SLC47A2: variants seen among roughly 807,000 people sequenced by gnomAD.
SLC47A2 encodes multidrug and toxin extrusion protein 2.
A neutral mutation model predicts 67.7 loss-of-function variants in SLC47A2; 52 were observed. That is an observed-to-expected ratio of 0.77 (90% CI 0.61 to 0.97). The LOEUF (loss-of-function observed/expected upper bound fraction) is 0.97. SLC47A2 is among the 50% of genes least tolerant of loss of function. SLC47A2 has a pLI of 0.00. For synonymous variants in SLC47A2, 278 were observed against 292.9 expected, an observed-to-expected ratio of 0.95 and a Z score of 0.52; for missense variants, 676 against 712.3, an observed-to-expected ratio of 0.95 and a Z score of 0.58.
At chr17:19,714,630 C>G in intron 3 of SLC47A2, 91 bp downstream of exon 3, 1 of 1,482,346 alleles carries the variant, frequency 6.7e-7, no homozygotes, top group Non-Finnish European at 9.4e-7. Context: ...GATCACCTGG[C>G]TGCGCCCCTC....
At chr17:19,714,059 CCAGCGGTGTGTG>C in intron 3 of SLC47A2, 86 bp from the exon 4 acceptor site, 1 of 1,514,476 alleles carries the variant, frequency 6.6e-7, no homozygotes, top group Non-Finnish European at 8.9e-7. Flanking sequence ...GTCAGCGGCG[CCAGCGGTGTGTG>C]GCGGACCCGG....
chr17:19,693,635 T>TAATAATAAA (rs754201695), intron 13 of SLC47A2, among the ~76,000 whole-genome samples: 3 of 138,448 alleles, frequency 2.2e-5, no homozygotes, highest in South Asian at 2.4e-4. Context: ...ATAATAATAA[T>TAATAATAAA]AAATAAATAA....
chr17:19,707,692 G>A, intron 8 of SLC47A2, 54 bp downstream of exon 8: 1 of 1,492,818 alleles, frequency 6.7e-7, no homozygotes, highest in South Asian at 1.2e-5. Context: ...CCCAAGGCTA[G>A]GGCAGCACCA....
chr17:19,702,802 G>T, intron 12 of SLC47A2, 128 bp from the exon 13 acceptor site: 2 of 1,080,040 alleles, frequency 1.9e-6, no homozygotes, highest in Non-Finnish European at 2.7e-6. Flanking sequence ...CCACACAAAT[G>T]TAACTGGCAC....
At position 19,705,470 on chromosome 17, in the gene SLC47A2, G is replaced by A; in HGVS notation, c.875C>T (p.Ala292Val). 6.2e-7 allele frequency: 1 copy of A among 1,612,006 alleles called. No homozygotes were observed. The change falls in exon 10 of 17, where the codon GCT becomes GTT. Residue 292 changes from alanine to valine, a missense_variant. Ala to Val is a moderately conservative substitution (Grantham distance 64). Coordinates refer to ENST00000433844, the MANE Select transcript of SLC47A2 (RefSeq NM_001099646.3). ...CACAGTGGCCACCTCGTAGATGACA[G>A]CCTGGGCAGAGAGATCCACCACACT... ...LLSVVDLSAQ[A>V]VIYEVATVTY...
chr17:19,689,696 CAAAAAAAA>C (rs377081377), intron 13 of SLC47A2, among the ~76,000 whole-genome samples: 1 of 81,678 alleles, frequency 1.2e-5, no homozygotes, highest in Non-Finnish European at 2.6e-5. Context: ...GACCTTGTCT[CAAAAAAAA>C]AAAAAAAGAA....
chr17:19,692,227 CAAA>C (rs11313767), intron 13 of SLC47A2: 1,679 of 360,842 alleles, frequency 4.7e-3, no homozygotes, highest in East Asian at 9.8e-3. Context: ...GACTCCATGT[CAAA>C]AAAAAAAAAA....
intron 13 of SLC47A2, among the ~76,000 whole-genome samples, chr17:19,682,775 T>A (rs59986676): frequency 0.032 from 4,898 of 152,340 alleles, 237 homozygotes; most frequent in African/African-American, 0.1. Flanking sequence ...ACAGTGGTTG[T>A]TAGCTTATTC....
At chr17:19,681,498 C>T (rs371452443) in intron 14 of SLC47A2, 37 bp from the exon 15 acceptor site, 119 of 1,614,148 alleles carry the variant, frequency 7.4e-5, no homozygotes, top group Admixed American at 4.0e-4. Context: ...CAATGTCCGA[C>T]GACCACCCAG....
chr17:19,705,068 G>A (rs573260931), intron 10 of SLC47A2: 7 of 331,996 alleles, frequency 2.1e-5, no homozygotes, highest in South Asian at 5.4e-5. Context: ...TTTGTGATCC[G>A]CCCTCAGCCT....
chr17:19,684,419 A>C (rs901401942), intron 13 of SLC47A2, among the ~76,000 whole-genome samples: 11 of 152,214 alleles, frequency 7.2e-5, no homozygotes, highest in African/African-American at 2.4e-4. Flanking sequence ...GATGCAACTA[A>C]GGCAATGCTT....
Position 19,685,493 on chromosome 17 carries a change from GC to G in SLC47A2, c.1165-3824del, listed in dbSNP as rs1445162707. Among the ~76,000 whole-genome samples, 7 of 151,252 alleles carry G rather than the reference GC, an allele frequency of 4.6e-5. No individual in the cohort carries two copies. The highest frequency in any genetic ancestry group is 7.4e-5 in the Non-Finnish European group (5 of 67,774). On this transcript the variant is annotated intron_variant, in intron 13 of 16. Transcript: ENST00000433844. This position sits in a 1 kb window ranked among gnomAD's most constrained non-coding sequence, Gnocchi z 4.5. ...AAGTGAGGAGTGCCTCTGCCCAGTC[GC>G]CCCATCTGGGAGGTGAGGAGCGCCT...
At chr17:19,684,714 A>T (rs2085384205) in intron 13 of SLC47A2, among the ~76,000 whole-genome samples, 1 of 151,734 alleles carries the variant, frequency 6.6e-6, no homozygotes, top group Non-Finnish European at 1.5e-5. Flanking sequence ...AAAAAAAATT[A>T]AAAGTTAAAA....
intron 9 of SLC47A2, 95 bp from the exon 10 acceptor site, chr17:19,705,598 T>C (rs1597625309): frequency 6.8e-6 from 1 of 146,884 alleles, no homozygotes; most frequent in Admixed American, 1.4e-4. Context: ...ACTCAGGGGC[T>C]TTTTTTTTTT....
intron 4 of SLC47A2, 23 bp from the exon 5 acceptor site, chr17:19,712,768 G>A (rs771038594): frequency 9.3e-6 from 15 of 1,610,520 alleles, no homozygotes; most frequent in East Asian, 8.9e-5. Flanking sequence ...GAGAAGCTCC[G>A]GAGCTGACCA....
chr17:19,706,901 A>T (rs534322718), intron 8 of SLC47A2, 140 bp from the exon 9 acceptor site: 2 of 618,226 alleles, frequency 3.2e-6, no homozygotes, highest in African/African-American at 3.8e-5. Flanking sequence ...GGCATTTTGC[A>T]GAGGGAATGC....
rs1220921836 is a variant in SLC47A2 at position 19,705,475 on chromosome 17, G to GGCAGAGAGATCCACCACACTGA, written c.848_869dup (p.Ala292CysfsTer80). 2 of 1,611,710 alleles carry GGCAGAGAGATCCACCACACTGA rather than the reference G, an allele frequency of 1.2e-6. No homozygotes were observed. The highest frequency in any genetic ancestry group is 2.7e-5 in the African/African-American group (2 of 74,854). ...TGGCCACCTCGTAGATGACAGCCTG[G>GGCAGAGAGATCCACCACACTGA]GCAGAGAGATCCACCACACTGAGCA... On this transcript the variant is annotated frameshift_variant, in exon 10 of 17. Transcript: ENST00000433844. LOFTEE classifies it high-confidence loss of function.
chr17:19,699,289 C>T (rs868295558), intron 13 of SLC47A2, among the ~76,000 whole-genome samples: 3 of 151,972 alleles, frequency 2.0e-5, no homozygotes, highest in Non-Finnish European at 2.9e-5. Flanking sequence ...AAACCACAGA[C>T]ATAAAAGCAA....
At chr17:19,697,802 C>T (rs2085697964) in intron 13 of SLC47A2, among the ~76,000 whole-genome samples, 1 of 151,308 alleles carries the variant, frequency 6.6e-6, no homozygotes, top group Non-Finnish European at 1.5e-5. Flanking sequence ...GCCATGTCAC[C>T]AAGGCTGGTC....
Sources: gnomAD v4.1 joint callset for allele counts (sites outside exome capture counted in the v4.1 genomes callset) on GRCh38, gnomAD v4.1.1 for gene constraint, Gnocchi (gnomAD v3.1) non-coding constraint, MANE v1.5 for transcripts, NCBI Gene and HGNC (gene_info 2026-07-23, HGNC 2026-07-21) for gene names.